CDCP1: variants seen among roughly 807,000 people sequenced by gnomAD.
The protein encoded by CDCP1 is CUB domain-containing protein 1.
A neutral mutation model predicts 60.2 loss-of-function variants in CDCP1; 29 were observed. The observed-to-expected ratio is 0.48, with a 90% CI of 0.36 to 0.66. The LOEUF (loss-of-function observed/expected upper bound fraction) is 0.66. Ranked by LOEUF, CDCP1 falls within the 30% of genes least tolerant of loss-of-function variation. The pLI, the probability that CDCP1 is intolerant of heterozygous loss-of-function variation, is 0.00. For missense variants in CDCP1, 876 were observed against 1,074.3 expected, an observed-to-expected ratio of 0.82 and a Z score of 2.58; for synonymous variants, 387 against 431.1, an observed-to-expected ratio of 0.90 and a Z score of 1.27.
At chr3:45,132,253 A>C in intron 1 of CDCP1, among the ~76,000 whole-genome samples, 2 of 151,646 alleles carry the variant, frequency 1.3e-5, no homozygotes, top group South Asian at 2.1e-4. Flanking sequence ...AAAAAAAGAC[A>C]TATAAAAGAA....
chr3:45,114,628 G>T (rs1012712171), intron 2 of CDCP1, among the ~76,000 whole-genome samples: 1 of 152,064 alleles, frequency 6.6e-6, no homozygotes, highest in Non-Finnish European at 1.5e-5. Context: ...GACCAGGCTG[G>T]TCTTGAACTC....
At chr3:45,095,720 T>A in intron 4 of CDCP1, 152 bp from the exon 5 acceptor site, 1 of 623,054 alleles carries the variant, frequency 1.6e-6, no homozygotes, top group Non-Finnish European at 2.8e-6. Flanking sequence ...AAGGCAACAT[T>A]ACAATAACTA....
At chr3:45,124,201 G>A (rs866732473) in intron 1 of CDCP1, among the ~76,000 whole-genome samples, 41 of 152,188 alleles carry the variant, frequency 2.7e-4, no homozygotes, top group Middle Eastern at 6.8e-3. Context: ...TGCAATTCTC[G>A]ATTCTAGTAA....
At position 45,099,391 on chromosome 3, in the gene CDCP1, C is replaced by A. The variant is rs1036001404; in HGVS notation, c.1025-3823G>T. ...GTTGCCATTTGGTTTCTTCTTCCTC[C>A]GTATAAAACTTTTTTACCTCTTCTC... On this transcript the variant is annotated intron_variant, in intron 4 of 8. Transcript: ENST00000296129. Among the ~76,000 whole-genome samples the A allele has an allele frequency of 2.0e-5, 3 of 151,480 alleles. No homozygotes were observed. The South Asian group carries it at 6.2e-4, about 32-fold the overall frequency.
chr3:45,089,175 G>A (rs200239684), intron 7 of CDCP1, 34 bp from the exon 8 acceptor site: 1 of 1,568,148 alleles, frequency 6.4e-7, no homozygotes, highest in East Asian at 2.2e-5. Context: ...CAGATGAAGA[G>A]GCAGCTGGGG....
At chr3:45,114,823 G>C (rs1179151796) in intron 2 of CDCP1, among the ~76,000 whole-genome samples, 1 of 152,172 alleles carries the variant, frequency 6.6e-6, no homozygotes, top group Non-Finnish European at 1.5e-5. Flanking sequence ...ATGAAGGGCA[G>C]GTGGACCACT....
At chr3:45,126,108 C>CTCTTTCTT (rs72581928) in intron 1 of CDCP1, among the ~76,000 whole-genome samples, 3,888 of 109,596 alleles carry the variant, frequency 0.035, 76 homozygotes, top group Non-Finnish European at 0.037. Flanking sequence ...TTGTCTCTCT[C>CTCTTTCTT]TCTTTCTTTC....
At chr3:45,143,481 G>A (rs963347752) in intron 1 of CDCP1, among the ~76,000 whole-genome samples, 2 of 152,128 alleles carry the variant, frequency 1.3e-5, no homozygotes, top group African/African-American at 2.4e-5. Context: ...CAACAACTGG[G>A]GACTGGTTAA....
chr3:45,136,631 G>A (rs1482199054), intron 1 of CDCP1, among the ~76,000 whole-genome samples: 2 of 152,168 alleles, frequency 1.3e-5, no homozygotes, highest in Non-Finnish European at 2.9e-5. Flanking sequence ...CAGTTTTTTG[G>A]TCATCAACTC....
intron 1 of CDCP1, among the ~76,000 whole-genome samples, chr3:45,142,102 GGATTA>G (rs1336936535): frequency 6.6e-6 from 1 of 152,128 alleles, no homozygotes; most frequent in African/African-American, 2.4e-5. Flanking sequence ...CAAAGTGTTG[GGATTA>G]CAGGCGTGAG....
intron 8 of CDCP1, among the ~76,000 whole-genome samples, chr3:45,088,158 G>T (rs1307756255): frequency 6.6e-6 from 1 of 152,226 alleles, no homozygotes; most frequent in Non-Finnish European, 1.5e-5. Context: ...CACGGACTCT[G>T]TCTAAAAAGG....
At chr3:45,100,073 G>A (rs1252281494) in intron 4 of CDCP1, among the ~76,000 whole-genome samples, 1 of 152,198 alleles carries the variant, frequency 6.6e-6, no homozygotes, top group Non-Finnish European at 1.5e-5. Flanking sequence ...AGCTCTGCTT[G>A]TTGACTGGGC....
At chr3:45,126,219 T>TTCC (rs1698997182) in intron 1 of CDCP1, among the ~76,000 whole-genome samples, 1 of 86,988 alleles carries the variant, frequency 1.1e-5, no homozygotes, top group African/African-American at 4.5e-5. Flanking sequence ...TCCTTCCTTC[T>TTCC]TTCTTTCCTT....
Position 45,115,577 on chromosome 3 carries a change from G to A in CDCP1, c.292+2835C>T, listed in dbSNP as rs780613977. On this transcript the variant is annotated intron_variant, in intron 2 of 8. Transcript: ENST00000296129. ...TAGTAGCAACACACCATTCCACTGC[G>A]TTCTTAAATATATCAACGTTCTCTT... Among the ~76,000 whole-genome samples the A allele has an allele frequency of 3.2e-4, 48 of 152,044 alleles. 1 individual carries two copies. The highest frequency in any genetic ancestry group is 3.1e-3 in the Admixed American group (47 of 15,254).
intron 1 of CDCP1, among the ~76,000 whole-genome samples, chr3:45,132,920 A>C (rs76740560): frequency 0.042 from 6,419 of 152,188 alleles, 336 homozygotes; most frequent in East Asian, 0.11. Context: ...ATGGGATATC[A>C]CTCGCCTGAT....
chr3:45,139,118 A>G (rs1194011316), intron 1 of CDCP1, among the ~76,000 whole-genome samples: 2 of 152,056 alleles, frequency 1.3e-5, no homozygotes, highest in Non-Finnish European at 2.9e-5. Context: ...CTCCTGAGGG[A>G]TCCACCCCAT....
intron 4 of CDCP1, among the ~76,000 whole-genome samples, chr3:45,108,318 C>G (rs1294451327): frequency 6.6e-6 from 1 of 152,128 alleles, no homozygotes; most frequent in Non-Finnish European, 1.5e-5. Context: ...GCCGCCAAGT[C>G]CACTCACTCC....
At chr3:45,107,406 C>A (rs1177774502) in intron 4 of CDCP1, among the ~76,000 whole-genome samples, 1 of 151,982 alleles carries the variant, frequency 6.6e-6, no homozygotes, top group African/African-American at 2.4e-5. Context: ...TGGGGTTTCA[C>A]CATATTGGCC....
chr3:45,128,674 C>T (rs1223219205), intron 1 of CDCP1, among the ~76,000 whole-genome samples: 1 of 152,168 alleles, frequency 6.6e-6, no homozygotes, highest in African/African-American at 2.4e-5. Context: ...TCTCAAGGTC[C>T]TTAAGAAAGA....
Sources: allele counts gnomAD v4.1 joint callset (sites outside exome capture counted in the v4.1 genomes callset), GRCh38; gene constraint gnomAD v4.1.1; transcripts MANE v1.5; gene names NCBI Gene and HGNC (gene_info 2026-07-23, HGNC 2026-07-21).